The following HIVEP3 variants were observed in gnomAD, a reference collection of about 807,000 sequenced individuals.
The protein encoded by HIVEP3 is transcription factor HIVEP3.
In HIVEP3, 49 loss-of-function variants were observed where a neutral mutation model predicts 152.8. The ratio of observed to expected loss-of-function variants is 0.32; its 90% CI spans 0.26 to 0.41. HIVEP3 has a LOEUF of 0.41. Ranked by LOEUF, HIVEP3 falls within the 10% of genes least tolerant of loss-of-function variation. HIVEP3 has a pLI of 1.00. For synonymous variants in HIVEP3, 1,269 were observed against 1,289.0 expected, an observed-to-expected ratio of 0.98 and a Z score of 0.33; for missense variants, 2,790 against 3,103.3, an observed-to-expected ratio of 0.90 and a Z score of 2.40.
intron 2 of HIVEP3, among the ~76,000 whole-genome samples, chr1:41,699,287 C>A (rs1053247381): frequency 6.6e-6 from 1 of 152,216 alleles, no homozygotes; most frequent in Non-Finnish European, 1.5e-5. Flanking sequence ...CACCGCTCCT[C>A]AAAGGAGGGG....
intron 1 of HIVEP3, among the ~76,000 whole-genome samples, chr1:41,875,225 CAGCCCTGCCCTTG>C (rs1399617774): frequency 6.6e-6 from 1 of 152,242 alleles, no homozygotes; most frequent in Non-Finnish European, 1.5e-5. Context: ...CTCTCAGCCC[CAGCCCTGCCCTTG>C]AGGCTCCCCT....
At chr1:41,924,545 C>T (rs572852520) in intron 1 of HIVEP3, among the ~76,000 whole-genome samples, 3 of 152,084 alleles carry the variant, frequency 2.0e-5, no homozygotes, top group Non-Finnish European at 4.4e-5. Flanking sequence ...GGAGTTGTTA[C>T]GGCCCTACCA....
intron 1 of HIVEP3, among the ~76,000 whole-genome samples, chr1:41,955,318 T>C (rs1301556488): frequency 6.6e-6 from 1 of 152,172 alleles, no homozygotes; most frequent in East Asian, 1.9e-4. Context: ...AAGAAGTGTC[T>C]CTGTGGGTTA....
At chr1:41,770,410 C>G (rs1451213140) in intron 1 of HIVEP3, among the ~76,000 whole-genome samples, 1 of 152,094 alleles carries the variant, frequency 6.6e-6, no homozygotes, top group Non-Finnish European at 1.5e-5. Context: ...AGCTTCGTTC[C>G]CCTGCTTGAG....
At chr1:41,544,604 C>CACCACTATCATCGCTACT (rs1643616942) in intron 5 of HIVEP3, among the ~76,000 whole-genome samples, 3 of 150,336 alleles carry the variant, frequency 2.0e-5, no homozygotes, top group Non-Finnish European at 4.4e-5. Flanking sequence ...CCATCACCAC[C>CACCACTATCATCGCTACT]ACCATCACCG....
chr1:41,931,634 A>C (rs1432397096), intron 1 of HIVEP3, among the ~76,000 whole-genome samples: 1 of 151,958 alleles, frequency 6.6e-6, no homozygotes, highest in Admixed American at 6.6e-5. Context: ...CTGTTCTTTA[A>C]TTGCTTTCAC....
intron 1 of HIVEP3, among the ~76,000 whole-genome samples, chr1:41,963,006 T>G (rs1474652643): frequency 6.6e-6 from 1 of 150,592 alleles, no homozygotes; most frequent in Admixed American, 6.6e-5. Context: ...CCAAAAGTTG[T>G]TTTTTTTTGT....
intron 5 of HIVEP3, among the ~76,000 whole-genome samples, chr1:41,545,211 G>GCCA (rs1334903488): frequency 3.4e-5 from 1 of 29,446 alleles, no homozygotes. Flanking sequence ...CACCACTATC[G>GCCA]CCACCACCAC....
chr1:41,691,327 G>C (rs991160048), intron 2 of HIVEP3, among the ~76,000 whole-genome samples: 3 of 152,246 alleles, frequency 2.0e-5, no homozygotes, highest in Non-Finnish European at 2.9e-5. Context: ...TCAGTATAAA[G>C]AAGAAGAGAA....
intron 1 of HIVEP3, among the ~76,000 whole-genome samples, chr1:41,736,028 C>T (rs1478660840): frequency 2.6e-5 from 4 of 152,172 alleles, no homozygotes; most frequent in Non-Finnish European, 4.4e-5. Context: ...GCAGGGGAGA[C>T]ACCACCTCTG....
At chr1:41,607,578 T>A (rs1207019566) in intron 3 of HIVEP3, among the ~76,000 whole-genome samples, 2 of 152,198 alleles carry the variant, frequency 1.3e-5, no homozygotes, top group Non-Finnish European at 2.9e-5. Context: ...CTGTTTCCTT[T>A]GAAATAAGCT....
chr1:41,510,615 T>C lies in HIVEP3; in HGVS notation c.7057A>G (p.Ser2353Gly), dbSNP rs1034194367. The change falls in exon 9 of 9, where the codon AGC becomes GGC. Residue 2353 changes from serine to glycine, a missense_variant. Physicochemically the swap from Ser to Gly is moderately conservative, Grantham distance 56. This residue lies in a region of HIVEP3 where 816 missense variants were observed against 806.5 expected (regional missense o/e 1.01). Coordinates refer to ENST00000372583, the MANE Select transcript of HIVEP3 (RefSeq NM_024503.5). Reference protein sequence around the residue: ...PSATPPLDRSSSVGCLAEASA... With the variant: ...PSATPPLDRSGSVGCLAEASA... ...GCCTCTGCCAGGCAGCCCACAGAGC[T>C]GCTGCGGTCCAGCGGCGGGGTGGCA... 2.6e-5 allele frequency: 40 copies of C among 1,553,150 alleles called. No individual in the cohort carries two copies. The highest frequency in any genetic ancestry group is 9.5e-5 in the South Asian group (8 of 84,498).
At chr1:41,700,455 T>C (rs1344521893) in intron 2 of HIVEP3, among the ~76,000 whole-genome samples, 1 of 152,146 alleles carries the variant, frequency 6.6e-6, no homozygotes, top group Non-Finnish European at 1.5e-5. Context: ...GTAAAGTCCA[T>C]GGAGCAATCA....
chr1:41,738,693 C>A (rs1021741045), intron 1 of HIVEP3, among the ~76,000 whole-genome samples: 1 of 152,178 alleles, frequency 6.6e-6, no homozygotes, highest in Middle Eastern at 3.2e-3. Flanking sequence ...AGCTCTGCTG[C>A]TGTGTAACTG....
At chr1:41,618,439 G>A (rs779531512) in intron 3 of HIVEP3, among the ~76,000 whole-genome samples, 2 of 152,224 alleles carry the variant, frequency 1.3e-5, no homozygotes, top group South Asian at 2.1e-4. Context: ...TCCAAAGGGC[G>A]TAGTGTTGAG....
intron 2 of HIVEP3, among the ~76,000 whole-genome samples, chr1:41,655,667 C>T (rs1300893419): frequency 6.6e-6 from 1 of 151,614 alleles, no homozygotes; most frequent in Admixed American, 6.6e-5. Context: ...CTCTAACTTC[C>T]CACCCTGCTT....
At chr1:41,894,908 T>C (rs2124445296) in intron 1 of HIVEP3, among the ~76,000 whole-genome samples, 1 of 152,264 alleles carries the variant, frequency 6.6e-6, no homozygotes. Flanking sequence ...ACACATACTC[T>C]AGAAGCACGC....
At chr1:41,864,987 C>A (rs1643942584) in intron 1 of HIVEP3, among the ~76,000 whole-genome samples, 1 of 152,184 alleles carries the variant, frequency 6.6e-6, no homozygotes, top group Non-Finnish European at 1.5e-5. Flanking sequence ...GTGCTTCCTG[C>A]CAGTTTTTGA....
intron 1 of HIVEP3, among the ~76,000 whole-genome samples, chr1:41,948,556 G>A (rs918689706): frequency 6.6e-6 from 1 of 152,032 alleles, no homozygotes; most frequent in African/African-American, 2.4e-5. Context: ...CCGCAAGGCA[G>A]GACCCTCCAT....
Sources: allele counts gnomAD v4.1 joint callset (sites outside exome capture counted in the v4.1 genomes callset), GRCh38; gene constraint gnomAD v4.1.1; regional missense constraint gnomAD v4.1.1; transcripts MANE v1.5; gene names NCBI Gene and HGNC (gene_info 2026-07-23, HGNC 2026-07-21).